The following WARS2 variants were observed in gnomAD, a reference collection of about 807,000 sequenced individuals.
The protein encoded by WARS2 is tryptophan--tRNA ligase, mitochondrial.
A neutral mutation model predicts 36.5 loss-of-function variants in WARS2; 28 were observed. That is an observed-to-expected ratio of 0.77 (90% CI 0.57 to 1.05). WARS2 has a LOEUF of 1.05. WARS2 is among the 50% of genes least tolerant of loss of function. The probability of loss-of-function intolerance (pLI) is 0.00; values close to 1 mark genes in which losing one functional copy is unlikely to be tolerated. For synonymous variants in WARS2, 174 were observed against 178.4 expected (o/e 0.98, Z 0.20); for missense variants, 435 against 456.8 (o/e 0.95, Z 0.44).
intron 1 of WARS2, among the ~76,000 whole-genome samples, chr1:119,128,734 C>T (rs897559234): frequency 1.3e-5 from 2 of 152,040 alleles, no homozygotes; most frequent in African/African-American, 4.8e-5. Flanking sequence ...CCCTCTCGTT[C>T]CCCATTCCTT....
At chr1:119,106,031 G>C (rs1406493154) in intron 1 of WARS2, among the ~76,000 whole-genome samples, 1 of 152,128 alleles carries the variant, frequency 6.6e-6, no homozygotes, top group Non-Finnish European at 1.5e-5. Context: ...GGTTACTAAA[G>C]ATTTTAATAA....
Position 119,088,480 on chromosome 1 carries a change from T to C in WARS2, c.91-11873A>G, listed in dbSNP as rs376811847. Among the ~76,000 whole-genome samples the C allele has an allele frequency of 2.9e-5, 4 of 137,218 alleles. No individual in the cohort carries two copies. The East Asian group carries it at 9.9e-4, about 34-fold the overall frequency. The allele number at this position is 137,218 out of a possible 152,430, so 90.0% of individuals were successfully genotyped here. On this transcript the variant is annotated intron_variant, in intron 1 of 5. Transcript: ENST00000235521. Reference sequence around the variant, plus strand: ...CACACACACACACAAATAAAAGGACTAAAAATGTGAAGAGTAAGTTCACTT... The same window carrying C: ...CACACACACACACAAATAAAAGGACCAAAAATGTGAAGAGTAAGTTCACTT...
chr1:119,077,500 G>C (rs988936042), intron 1 of WARS2, among the ~76,000 whole-genome samples: 2 of 152,076 alleles, frequency 1.3e-5, no homozygotes, highest in African/African-American at 4.8e-5. Context: ...ATAATTTGGT[G>C]TATGAGATCT....
chr1:119,126,185 T>C (rs1655642479), intron 1 of WARS2, among the ~76,000 whole-genome samples: 1 of 149,936 alleles, frequency 6.7e-6, no homozygotes, highest in South Asian at 2.1e-4. Flanking sequence ...AGTGTCCCAA[T>C]AGCCAAGACA....
chr1:119,107,306 G>A (rs1055932951), intron 1 of WARS2, among the ~76,000 whole-genome samples: 9 of 152,074 alleles, frequency 5.9e-5, no homozygotes, highest in African/African-American at 2.2e-4. Flanking sequence ...GTTTATAATT[G>A]TAATGAAGTG....
chr1:119,091,057 G>A (rs1653010779), intron 1 of WARS2, among the ~76,000 whole-genome samples: 1 of 152,190 alleles, frequency 6.6e-6, no homozygotes, highest in Non-Finnish European at 1.5e-5. Flanking sequence ...ATTAAGTTCA[G>A]ATATTAAGTA....
rs587750099 is a variant in WARS2, at chr1:119,118,037, A to G, written c.90+22518T>C. 5.3e-5 allele frequency among the ~76,000 whole-genome samples: 8 copies of G among 152,316 alleles called. No homozygotes were observed. The South Asian group carries it at 1.5e-3, about 28-fold the overall frequency. ...AAAACAAGGTTCTATAACACCCACA[A>G]AAGATCACAGTAGCTCTTCAGCAAT... On this transcript the variant is annotated intron_variant, in intron 1 of 5. Coordinates refer to ENST00000235521, the MANE Select transcript of WARS2 (RefSeq NM_015836.4).
chr1:119,079,692 A>C (rs1652042289), intron 1 of WARS2, among the ~76,000 whole-genome samples: 1 of 152,110 alleles, frequency 6.6e-6, no homozygotes, highest in Admixed American at 6.6e-5. Context: ...AATCCTACAA[A>C]TATAGTCTAT....
intron 1 of WARS2, among the ~76,000 whole-genome samples, chr1:119,106,841 G>A (rs1431580039): frequency 6.6e-6 from 1 of 152,232 alleles, no homozygotes. Flanking sequence ...ATGAGTGCCA[G>A]ATTGTATGGT....
intron 2 of WARS2, 62 bp from the exon 3 acceptor site, chr1:119,045,724 C>G (rs1648744500): frequency 7.5e-7 from 1 of 1,326,774 alleles, no homozygotes; most frequent in Non-Finnish European, 1.1e-6. Flanking sequence ...ATAAGAAGAA[C>G]TAAGTAGTAA....
intron 2 of WARS2, among the ~76,000 whole-genome samples, chr1:119,061,835 G>GT (rs1423384289): frequency 6.6e-6 from 1 of 152,068 alleles, no homozygotes; most frequent in African/African-American, 2.4e-5. Context: ...ACCTAGGTCT[G>GT]TATTTACCAG....
At chr1:119,102,052 G>A (rs1362728116) in intron 1 of WARS2, among the ~76,000 whole-genome samples, 7 of 150,438 alleles carry the variant, frequency 4.7e-5, no homozygotes, top group Non-Finnish European at 8.9e-5. Flanking sequence ...TGTTGGAAGC[G>A]GTGGTGGCGG....
intron 1 of WARS2, among the ~76,000 whole-genome samples, chr1:119,089,894 A>G (rs746816196): frequency 2.6e-5 from 4 of 152,144 alleles, no homozygotes; most frequent in Non-Finnish European, 5.9e-5. Flanking sequence ...CAAATACCAC[A>G]TGTTCTCACT....
At chr1:119,053,440 T>C (rs1282719238) in intron 2 of WARS2, among the ~76,000 whole-genome samples, 2 of 152,156 alleles carry the variant, frequency 1.3e-5, no homozygotes, top group Admixed American at 6.5e-5. Flanking sequence ...CTACCACTAG[T>C]ACATCCCCCA....
chr1:119,090,165 T>C (rs1652946723), intron 1 of WARS2, among the ~76,000 whole-genome samples: 1 of 152,006 alleles, frequency 6.6e-6, no homozygotes, highest in Admixed American at 6.6e-5. Flanking sequence ...CTAATGTCCA[T>C]CACTAGGGGA....
rs144546478 is a variant in WARS2 at position 119,042,281 on chromosome 1, G to A, written c.498C>T (p.Ala166=). ...CTTCTTACTTGTACAACAGAATGTCGGCTGCCTGGAGTACTGGGTATGTGA... is the reference window on the plus strand; with the variant it reads ...CTTCTTACTTGTACAACAGAATGTCAGCTGCCTGGAGTACTGGGTATGTGA... ...GLLTYPVLQA[A]DILLYKSTHV... Residue 166 remains alanine, a synonymous_variant, in exon 4 of 6, where the codon GCC becomes GCT. Coordinates refer to ENST00000235521, the MANE Select transcript of WARS2 (RefSeq NM_015836.4). 2.5e-5 allele frequency: 41 copies of A among 1,613,618 alleles called. No homozygotes were observed. The highest frequency in any genetic ancestry group is 1.9e-4 in the South Asian group (17 of 91,056).
At position 119,085,192 on chromosome 1, in the gene WARS2, C is replaced by A. The variant is rs587732912; in HGVS notation, c.91-8585G>T. 10 of 813,448 alleles carry A rather than the reference C, an allele frequency of 1.2e-5. No individual in the cohort carries two copies. The South Asian group carries it at 1.3e-4, about 11-fold the overall frequency. 50.4% of individuals were successfully genotyped at this position (813,448 alleles called of 1,614,324 possible). ...TTATCCCTGGTCTTTTCTTCTCTTG[C>A]CTCCCTCCTGCTTGAGGACCTGTGC... On this transcript the variant is annotated intron_variant, in intron 1 of 5. Transcript: ENST00000235521.
intron 3 of WARS2, among the ~76,000 whole-genome samples, chr1:119,043,851 T>C (rs1002453290): frequency 2.0e-5 from 3 of 152,212 alleles, no homozygotes; most frequent in South Asian, 2.1e-4. Context: ...TTTACATATA[T>C]GTTACTCATT....
chr1:119,050,634 G>A (rs1228858400), intron 2 of WARS2, among the ~76,000 whole-genome samples: 1 of 151,962 alleles, frequency 6.6e-6, no homozygotes, highest in Non-Finnish European at 1.5e-5. Flanking sequence ...ATACAAATAA[G>A]TGAGGTAGAT....
Sources: gnomAD v4.1 joint callset for allele counts (sites outside exome capture counted in the v4.1 genomes callset) on GRCh38, gnomAD v4.1.1 for gene constraint, MANE v1.5 for transcripts, NCBI Gene and HGNC (gene_info 2026-07-23, HGNC 2026-07-21) for gene names.